PRKG1: variants seen among roughly 807,000 people sequenced by gnomAD.
PRKG1 encodes protein kinase cGMP-dependent 1.
In PRKG1, 35 loss-of-function variants were observed where a neutral mutation model predicts 88.1. That is an observed-to-expected ratio of 0.40 (90% confidence interval 0.30 to 0.53). The LOEUF is 0.53. Among genes scored for constraint, PRKG1 ranks in the 20% least tolerant of loss-of-function variants. The pLI is 0.59. For missense variants in PRKG1, 540 were observed against 839.8 expected, an observed-to-expected ratio of 0.64 and a Z score of 4.41; for synonymous variants, 303 against 292.5, an observed-to-expected ratio of 1.04 and a Z score of -0.37.
chr10:52,009,900 T>C (rs1044934579), intron 5 of PRKG1, among the ~76,000 whole-genome samples: 1 of 152,052 alleles, frequency 6.6e-6, no homozygotes, highest in African/African-American at 2.4e-5. Flanking sequence ...TTGACTGAGA[T>C]GATGAAAACA....
chr10:51,266,686 A>G (rs1296195720), intron 2 of PRKG1, among the ~76,000 whole-genome samples: 1 of 152,240 alleles, frequency 6.6e-6, no homozygotes, highest in African/African-American at 2.4e-5. Flanking sequence ...ATTAAAACAG[A>G]ATGGAATACT....
intron 2 of PRKG1, among the ~76,000 whole-genome samples, chr10:51,333,433 G>A (rs918970195): frequency 6.6e-6 from 1 of 152,182 alleles, no homozygotes; most frequent in Non-Finnish European, 1.5e-5. Context: ...AAGGTACATG[G>A]TGGTTAAGTG....
At chr10:51,099,907 T>G (rs944258101) in intron 1 of PRKG1, among the ~76,000 whole-genome samples, 2 of 152,144 alleles carry the variant, frequency 1.3e-5, no homozygotes. Context: ...TTTATTTTTA[T>G]TTTTTTGAGA....
intron 3 of PRKG1, among the ~76,000 whole-genome samples, chr10:51,794,476 T>C (rs932709754): frequency 6.6e-6 from 1 of 152,158 alleles, no homozygotes; most frequent in African/African-American, 2.4e-5. Context: ...TAACAAATTT[T>C]AGACTATTGA....
At chr10:51,362,139 TTTTG>T (rs1842495009) in intron 2 of PRKG1, among the ~76,000 whole-genome samples, 1 of 151,812 alleles carries the variant, frequency 6.6e-6, no homozygotes, top group Non-Finnish European at 1.5e-5. Context: ...TTTTTTTTGC[TTTTG>T]TTTGTTTTTG....
At chr10:52,148,404 G>A (rs528344415) in intron 8 of PRKG1, among the ~76,000 whole-genome samples, 65 of 152,194 alleles carry the variant, frequency 4.3e-4, no homozygotes, top group Admixed American at 8.5e-4. Flanking sequence ...AGAGATAACT[G>A]TACTTACCTT....
At chr10:51,095,361 C>T (rs1391944542) in intron 1 of PRKG1, among the ~76,000 whole-genome samples, 2 of 152,064 alleles carry the variant, frequency 1.3e-5, no homozygotes, top group East Asian at 1.9e-4. Context: ...TTTGGCTCTC[C>T]GTGTTTTTGT....
At chr10:51,918,344 ATT>A (rs1170374480) in intron 5 of PRKG1, among the ~76,000 whole-genome samples, 1 of 140,720 alleles carries the variant, frequency 7.1e-6, no homozygotes. Context: ...TTTTTTTTTT[ATT>A]TTTTTTTTTG....
chr10:51,487,935 C>A (rs918324400), intron 3 of PRKG1, among the ~76,000 whole-genome samples: 1 of 152,082 alleles, frequency 6.6e-6, no homozygotes, highest in Non-Finnish European at 1.5e-5. Flanking sequence ...ACTATGTTAA[C>A]GTAGTTTTAA....
At chr10:52,071,124 T>A (rs1467066556) in intron 7 of PRKG1, among the ~76,000 whole-genome samples, 1 of 148,306 alleles carries the variant, frequency 6.7e-6, no homozygotes, top group Non-Finnish European at 1.5e-5. Flanking sequence ...TTAAATATCT[T>A]TTTTCTTTTC....
chr10:52,022,465 AT>A (rs1845210951), intron 5 of PRKG1, among the ~76,000 whole-genome samples: 1 of 152,234 alleles, frequency 6.6e-6, no homozygotes, highest in Non-Finnish European at 1.5e-5. Context: ...TAAAGTTAAA[AT>A]TTAACATTCA....
rs1403693163 is a variant in PRKG1, at chr10:51,141,324, TTC to T, written c.312-11836_312-11835del. On this transcript the variant is annotated intron_variant, in intron 1 of 17. Coordinates refer to ENST00000373980, the MANE Select transcript of PRKG1 (RefSeq NM_006258.4). ...CGGCCTGCCTAAACTTCTTTATTGC[TTC>T]TCTGTTTCTTTTTGTCCTCCTGTCA... Among the ~76,000 whole-genome samples the T allele has an allele frequency of 2.6e-5, 4 of 152,334 alleles. No individual in the cohort carries two copies. The East Asian group carries it at 5.8e-4, about 22-fold the overall frequency.
intron 1 of PRKG1, among the ~76,000 whole-genome samples, chr10:51,022,712 A>G (rs769908210): frequency 3.9e-5 from 6 of 152,260 alleles, no homozygotes; most frequent in Non-Finnish European, 7.3e-5. Context: ...TCAATTAGAA[A>G]AAAAAGATCC....
intron 3 of PRKG1, among the ~76,000 whole-genome samples, chr10:51,547,379 TCA>T (rs57974608): frequency 0.75 from 113,345 of 151,694 alleles, 42,896 homozygotes; most frequent in East Asian, 0.98. Flanking sequence ...CATGCAAAAT[TCA>T]ACAAGTTTTA....
At chr10:51,669,873 A>G (rs559507276) in intron 3 of PRKG1, among the ~76,000 whole-genome samples, 1 of 152,328 alleles carries the variant, frequency 6.6e-6, no homozygotes, top group African/African-American at 2.4e-5. Flanking sequence ...TATTGTACAT[A>G]TGCCCCTTCA....
intron 3 of PRKG1, among the ~76,000 whole-genome samples, chr10:51,710,105 A>T (rs1422788222): frequency 1.3e-5 from 2 of 152,206 alleles, no homozygotes; most frequent in East Asian, 3.8e-4. Context: ...TTTCAGTAGT[A>T]CTTTCACAGG....
rs545264278 is a variant in PRKG1, at chr10:51,420,239, T to C, written c.479-47484T>C. 1.6e-4 allele frequency among the ~76,000 whole-genome samples: 25 copies of C among 152,252 alleles called. No homozygotes were observed. In the South Asian group the frequency reaches 5.2e-3, roughly 32 times the overall value. ...TTGAGAGGTGGGTGCCACACACTTT[T>C]AAATGACATAGTATTAGTATTACTA... On this transcript the variant is annotated intron_variant, in intron 2 of 17. Coordinates refer to ENST00000373980, the MANE Select transcript of PRKG1 (RefSeq NM_006258.4).
intron 7 of PRKG1, among the ~76,000 whole-genome samples, chr10:52,082,815 A>T (rs1342513121): frequency 6.6e-6 from 1 of 152,168 alleles, no homozygotes; most frequent in Non-Finnish European, 1.5e-5. Context: ...GAGTAGGAAC[A>T]TATAGTATAT....
chr10:51,751,738 C>A (rs773555741), intron 3 of PRKG1, among the ~76,000 whole-genome samples: 6 of 151,998 alleles, frequency 3.9e-5, no homozygotes, highest in Non-Finnish European at 8.8e-5. Context: ...TTGTAGCCAG[C>A]AGATCTTGTA....
Sources: gnomAD v4.1 joint callset for allele counts (sites outside exome capture counted in the v4.1 genomes callset) on GRCh38, gnomAD v4.1.1 for gene constraint, MANE v1.5 for transcripts, NCBI Gene and HGNC (gene_info 2026-07-23, HGNC 2026-07-21) for gene names.